The following TACR1 variants were observed in gnomAD, a reference collection of about 807,000 sequenced individuals.
TACR1 encodes the protein tachykinin receptor 1.
Under a neutral mutation model 35.8 loss-of-function variants are expected in TACR1, and 25 were observed. That is an observed-to-expected ratio of 0.70 (90% CI 0.51 to 0.98). The LOEUF (loss-of-function observed/expected upper bound fraction) is 0.98. TACR1 is among the 50% of genes least tolerant of loss of function. TACR1 has a pLI of 0.00. For missense variants in TACR1, 478 were observed against 522.9 expected (o/e 0.91, Z 0.84); for synonymous variants, 195 against 206.7 (o/e 0.94, Z 0.48).
At chr2:75,096,571 TAGAG>T (rs1203257489) in intron 2 of TACR1, among the ~76,000 whole-genome samples, 29 of 152,322 alleles carry the variant, frequency 1.9e-4, no homozygotes, top group African/African-American at 6.5e-4. Context: ...ATTGTGCAAA[TAGAG>T]AGCAGATGTG....
chr2:75,160,476 G>T (rs190522926), intron 1 of TACR1, among the ~76,000 whole-genome samples: 23 of 152,084 alleles, frequency 1.5e-4, no homozygotes, highest in African/African-American at 5.5e-4. Flanking sequence ...GTTCTGACTG[G>T]AAATCAAAGG....
intron 2 of TACR1, among the ~76,000 whole-genome samples, chr2:75,063,758 G>A (rs752903042): frequency 6.6e-6 from 1 of 152,118 alleles, no homozygotes; most frequent in African/African-American, 2.4e-5. Context: ...GATAGAAACC[G>A]ACCTGGATTA....
intron 1 of TACR1, among the ~76,000 whole-genome samples, chr2:75,141,204 T>A (rs7583841): frequency 2.0e-5 from 3 of 152,078 alleles, no homozygotes; most frequent in Non-Finnish European, 4.4e-5. Flanking sequence ...TGGGATCTTC[T>A]AGCTCCTCCA....
intron 2 of TACR1, among the ~76,000 whole-genome samples, chr2:75,086,959 C>G (rs1673200755): frequency 6.6e-6 from 1 of 152,120 alleles, no homozygotes; most frequent in Non-Finnish European, 1.5e-5. Flanking sequence ...ACTGTTTAGA[C>G]CCATCTTGCC....
At chr2:75,144,101 A>G (rs574346583) in intron 1 of TACR1, among the ~76,000 whole-genome samples, 1 of 152,332 alleles carries the variant, frequency 6.6e-6, no homozygotes, top group Admixed American at 6.5e-5. Flanking sequence ...AACTTGGCAC[A>G]AATGTTCCTA....
At chr2:75,113,643 T>C (rs1673797812) in intron 2 of TACR1, among the ~76,000 whole-genome samples, 1 of 151,414 alleles carries the variant, frequency 6.6e-6, no homozygotes, top group Non-Finnish European at 1.5e-5. Context: ...TCAATGCACT[T>C]TTCCCTCTCC....
At chr2:75,154,746 G>A (rs967812496) in intron 1 of TACR1, among the ~76,000 whole-genome samples, 2 of 151,918 alleles carry the variant, frequency 1.3e-5, no homozygotes, top group African/African-American at 2.4e-5. Flanking sequence ...TCTGGCCCCA[G>A]GTCTCTCCCT....
At chr2:75,111,028 T>A (rs1435248823) in intron 2 of TACR1, among the ~76,000 whole-genome samples, 1 of 152,026 alleles carries the variant, frequency 6.6e-6, no homozygotes. Context: ...TTTCATATTC[T>A]TTTATGAGCT....
chr2:75,084,401 G>A (rs1572919846), intron 2 of TACR1, among the ~76,000 whole-genome samples: 1 of 152,120 alleles, frequency 6.6e-6, no homozygotes, highest in Non-Finnish European at 1.5e-5. Context: ...TTTTGGTTGT[G>A]TCTCTTCCAG....
At chr2:75,197,870 A>C (rs1055343658) in intron 1 of TACR1, among the ~76,000 whole-genome samples, 4 of 152,174 alleles carry the variant, frequency 2.6e-5, no homozygotes, top group Admixed American at 6.5e-5. Flanking sequence ...GGATAGCATA[A>C]CTGTCTCTCA....
intron 1 of TACR1, among the ~76,000 whole-genome samples, chr2:75,165,353 A>G (rs1675113371): frequency 6.6e-6 from 1 of 152,080 alleles, no homozygotes; most frequent in African/African-American, 2.4e-5. Flanking sequence ...TCTGTCACCC[A>G]GGCTGGAGTG....
At chr2:75,092,246 G>T (rs1673325850) in intron 2 of TACR1, among the ~76,000 whole-genome samples, 2 of 151,968 alleles carry the variant, frequency 1.3e-5, no homozygotes, top group South Asian at 4.1e-4. Flanking sequence ...AAGCCTCACT[G>T]GTTCCTACCT....
intron 2 of TACR1, among the ~76,000 whole-genome samples, chr2:75,060,637 A>C (rs1259469715): frequency 6.6e-6 from 1 of 152,138 alleles, no homozygotes; most frequent in Non-Finnish European, 1.5e-5. Context: ...GAGAGTTGTG[A>C]TTTATTTTGA....
chr2:75,166,160 C>T (rs1480227984), intron 1 of TACR1, among the ~76,000 whole-genome samples: 1 of 152,166 alleles, frequency 6.6e-6, no homozygotes, highest in Non-Finnish European at 1.5e-5. Flanking sequence ...TTAAAACATT[C>T]ATTATTTAAT....
intron 1 of TACR1, among the ~76,000 whole-genome samples, chr2:75,191,359 G>A (rs1190516059): frequency 6.6e-6 from 1 of 152,118 alleles, no homozygotes; most frequent in African/African-American, 2.4e-5. Flanking sequence ...CTGCTAGTGG[G>A]GGGTGTTAGA....
chr2:75,135,918 A>G (rs735668), intron 1 of TACR1, among the ~76,000 whole-genome samples: 2 of 151,980 alleles, frequency 1.3e-5, no homozygotes, highest in East Asian at 1.9e-4. Flanking sequence ...TCCCCTCTCC[A>G]TTTCGCATTC....
chr2:75,164,397 A>T (rs1675089165), intron 1 of TACR1, among the ~76,000 whole-genome samples: 1 of 152,076 alleles, frequency 6.6e-6, no homozygotes, highest in Admixed American at 6.5e-5. Flanking sequence ...TAGAAAAATA[A>T]TTATGACTAA....
intron 2 of TACR1, among the ~76,000 whole-genome samples, chr2:75,117,039 C>T (rs1039906891): frequency 5.3e-5 from 8 of 151,958 alleles, no homozygotes; most frequent in South Asian, 2.1e-4. Flanking sequence ...AGTTTGATGG[C>T]TGTGTAGTAA....
chr2:75,133,326 T>C (rs1448493775), intron 1 of TACR1, among the ~76,000 whole-genome samples: 1 of 152,200 alleles, frequency 6.6e-6, no homozygotes, highest in East Asian at 1.9e-4. Context: ...TGCTGTCTTA[T>C]TTTTCATTTT....
Sources: gnomAD v4.1 joint callset for allele counts (sites outside exome capture counted in the v4.1 genomes callset) on GRCh38, gnomAD v4.1.1 for gene constraint, MANE v1.5 for transcripts, NCBI Gene and HGNC (gene_info 2026-07-23, HGNC 2026-07-21) for gene names.